ADRA1D: variants seen among roughly 807,000 people sequenced by gnomAD.
The protein encoded by ADRA1D is adrenoceptor alpha 1D.
ADRA1D carries 22 observed loss-of-function variants against 18.6 expected under a neutral mutation model. That is an observed-to-expected ratio of 1.19 (90% CI 0.85 to 1.69). The LOEUF is 1.69. Ranked by LOEUF, ADRA1D falls within the 40% of genes most tolerant of loss-of-function variation. The pLI is 0.00. For synonymous variants in ADRA1D, 376 were observed against 388.2 expected, an observed-to-expected ratio of 0.97 and a Z score of 0.37; for missense variants, 840 against 840.7, an observed-to-expected ratio of 1.00 and a Z score of 0.01.
At chr20:4,227,822 G>A (rs1980857077) in intron 1 of ADRA1D, among the ~76,000 whole-genome samples, 1 of 149,932 alleles carries the variant, frequency 6.7e-6, no homozygotes, top group Non-Finnish European at 1.5e-5. Flanking sequence ...GGCCAGGCTG[G>A]TCTTGAACTC....
At chr20:4,232,567 C>A (rs1313105207) in intron 1 of ADRA1D, among the ~76,000 whole-genome samples, 1 of 152,114 alleles carries the variant, frequency 6.6e-6, no homozygotes, top group Admixed American at 6.5e-5. Context: ...TCAGAATGAC[C>A]CCAAACTCCT....
At chr20:4,228,968 A>G (rs776522617) in intron 1 of ADRA1D, among the ~76,000 whole-genome samples, 2 of 150,412 alleles carry the variant, frequency 1.3e-5, no homozygotes, top group African/African-American at 4.9e-5. Context: ...CACATGTTCC[A>G]CCCCTCCCAG....
chr20:4,225,492 C>G (rs1026931264), intron 1 of ADRA1D, among the ~76,000 whole-genome samples: 2 of 145,934 alleles, frequency 1.4e-5, no homozygotes, highest in Non-Finnish European at 3.0e-5. Flanking sequence ...CAGTGGCACG[C>G]TCTTGGCTCA....
chr20:4,245,065 G>A (rs557215126), intron 1 of ADRA1D, among the ~76,000 whole-genome samples: 1 of 152,356 alleles, frequency 6.6e-6, no homozygotes, highest in South Asian at 2.1e-4. Context: ...AAGGAGCAAA[G>A]GTCATGGAAA....
At chr20:4,230,030 C>T (rs1040412219) in intron 1 of ADRA1D, among the ~76,000 whole-genome samples, 16 of 152,120 alleles carry the variant, frequency 1.1e-4, no homozygotes, top group Admixed American at 1.0e-3. Flanking sequence ...AGATGCACAC[C>T]CACCTTGGCC....
intron 1 of ADRA1D, among the ~76,000 whole-genome samples, chr20:4,227,416 C>G (rs1032262035): frequency 1.6e-4 from 24 of 152,136 alleles, no homozygotes; most frequent in African/African-American, 5.8e-4. Context: ...GCCTAAAGCA[C>G]TATAGGTAAC....
At chr20:4,235,426 C>G (rs575066792) in intron 1 of ADRA1D, among the ~76,000 whole-genome samples, 2 of 152,340 alleles carry the variant, frequency 1.3e-5, no homozygotes, top group East Asian at 3.9e-4. Flanking sequence ...TCCCTTCTCT[C>G]TTCCCACATT....
At chr20:4,232,426 C>A (rs950246721) in intron 1 of ADRA1D, among the ~76,000 whole-genome samples, 1 of 152,178 alleles carries the variant, frequency 6.6e-6, no homozygotes, top group South Asian at 2.1e-4. Flanking sequence ...TACACCAGGC[C>A]GTGTGGCATT....
chr20:4,233,343 C>T (rs1981014772), intron 1 of ADRA1D, among the ~76,000 whole-genome samples: 1 of 151,702 alleles, frequency 6.6e-6, no homozygotes, highest in Non-Finnish European at 1.5e-5. Context: ...CACCTGTAGC[C>T]CCAGCTACTT....
At position 4,248,162 on chromosome 20, in the gene ADRA1D, G is replaced by T. The variant is rs754830579; in HGVS notation, c.796C>A (p.Pro266Thr). 26 of 1,582,034 alleles carry T rather than the reference G, an allele frequency of 1.6e-5. No homozygotes were observed. Among genetic ancestry groups the T allele is most frequent in the Non-Finnish European group, 2.0e-5 (23 of 1,164,114 alleles). ...VFSSVCSFYLPMAVIVVMYCR... is the reference protein window; with the variant it reads ...VFSSVCSFYLTMAVIVVMYCR... The stretch of plus-strand genomic sequence containing the variant: ...TACATGACCACGATGACCGCCATGG[G>T]CAGGTAGAAGGAGCACACGGAGGAG... Residue 266 changes from proline to threonine, a missense_variant, in exon 1 of 2, where the codon CCC (proline) becomes ACC (threonine). Transcript: ENST00000379453.
At position 4,248,005 on chromosome 20, in the gene ADRA1D, G is replaced by A. The variant is rs61759842; in HGVS notation, c.953C>T (p.Ala318Val). 1 of 1,558,976 alleles carries A rather than the reference G, an allele frequency of 6.4e-7. No homozygotes were observed. The highest frequency in any genetic ancestry group is 8.7e-7 in the Non-Finnish European group (1 of 1,152,834). Reference sequence around the variant, plus strand: ...GCCCTTGGCGCTGCGCATGCCGTGCGCCCCGTCGGCGCCCGTGGCCGCGCC... The same window carrying A: ...GCCCTTGGCGCTGCGCATGCCGTGCACCCCGTCGGCGCCCGTGGCCGCGCC... ...CRGAATGADG[A>V]HGMRSAKGHT... is the part of the protein sequence containing the mutation. Residue 318 changes from alanine to valine, a missense_variant, in exon 1 of 2, where the codon GCG becomes GTG. Ala to Val is a moderately conservative substitution (Grantham distance 64, BLOSUM62 0). Coordinates refer to ENST00000379453, the MANE Select transcript of ADRA1D (RefSeq NM_000678.4).
intron 1 of ADRA1D, among the ~76,000 whole-genome samples, chr20:4,245,987 C>T (rs527872101): frequency 4.1e-4 from 63 of 152,300 alleles, no homozygotes; most frequent in South Asian, 2.1e-4. Flanking sequence ...TACAGTTCCA[C>T]GATGGCCCTA....
chr20:4,236,545 G>A (rs892666351), intron 1 of ADRA1D, among the ~76,000 whole-genome samples: 1 of 152,144 alleles, frequency 6.6e-6, no homozygotes, highest in Non-Finnish European at 1.5e-5. Context: ...GCAGGCTCGA[G>A]GGCAGAAGCA....
chr20:4,222,203 G>A lies in ADRA1D; in HGVS notation c.1112-73C>T, dbSNP rs1394299227. 6.4e-7 allele frequency: 1 copy of A among 1,551,678 alleles called. No individual in the cohort carries two copies. The highest frequency in any genetic ancestry group is 1.4e-5 in the African/African-American group (1 of 71,366). ...GGCCAGGCGGCTCTGGGCGCAAAGGGGAGACCCTTCAGTAGCCTTGGCTGA... is the reference window on the plus strand; with the variant it reads ...GGCCAGGCGGCTCTGGGCGCAAAGGAGAGACCCTTCAGTAGCCTTGGCTGA... On this transcript the variant is annotated intron_variant, in intron 1 of 1. Transcript: ENST00000379453. The surrounding 1 kb of genome is among the most constrained non-coding windows in gnomAD (Gnocchi z 4.3).
chr20:4,238,455 G>C (rs1206360260), intron 1 of ADRA1D, among the ~76,000 whole-genome samples: 1 of 152,154 alleles, frequency 6.6e-6, no homozygotes, highest in Non-Finnish European at 1.5e-5. Flanking sequence ...ATGTCGATGT[G>C]CTATATGTGT....
At chr20:4,245,462 A>T (rs1396567411) in intron 1 of ADRA1D, among the ~76,000 whole-genome samples, 1 of 152,182 alleles carries the variant, frequency 6.6e-6, no homozygotes, top group Non-Finnish European at 1.5e-5. Flanking sequence ...AAGGGACAGG[A>T]GGAGGGGATC....
At position 4,231,038 on chromosome 20, in the gene ADRA1D, T is replaced by TTTTCTTTC. The variant is rs3030143; in HGVS notation, c.1112-8916_1112-8909dup. On this transcript the variant is annotated intron_variant, in intron 1 of 1. Coordinates refer to ENST00000379453, the MANE Select transcript of ADRA1D (RefSeq NM_000678.4). ...TTCTTTTCTCTTTCTCTTTCTTTCT[T>TTTTCTTTC]TTTCTTTCTTTCTTTCTTTCTTTCT... Among the ~76,000 whole-genome samples the TTTTCTTTC allele has an allele frequency of 6.8e-3, 744 of 108,616 alleles. 9 individuals carry two copies. Among genetic ancestry groups the TTTTCTTTC allele is most frequent in the Non-Finnish European group, 0.011 (603 of 54,812 alleles). The allele number at this position is 108,616 out of a possible 152,430, so 71.3% of individuals were successfully genotyped here.
chr20:4,238,013 C>T lies in ADRA1D; in HGVS notation c.1111+9834G>A, dbSNP rs561794801. ...CTGTAATCCCAGCACTTTGGGAGGCCGAGGCGGGCGGATCACTTGAGGTCA... is the reference window on the plus strand; with the variant it reads ...CTGTAATCCCAGCACTTTGGGAGGCTGAGGCGGGCGGATCACTTGAGGTCA... On this transcript the variant is annotated intron_variant, in intron 1 of 1. Transcript: ENST00000379453. Among the ~76,000 whole-genome samples the T allele has an allele frequency of 4.2e-3, 636 of 149,740 alleles. 8 individuals carry two copies. Among genetic ancestry groups the T allele is most frequent in the African/African-American group, 0.015 (600 of 40,836 alleles).
intron 1 of ADRA1D, among the ~76,000 whole-genome samples, chr20:4,246,003 A>G (rs1236316216): frequency 6.6e-6 from 1 of 152,222 alleles, no homozygotes. Flanking sequence ...CCCTATAGAT[A>G]GGCATGATTA....
Sources: gnomAD v4.1 joint callset for allele counts (sites outside exome capture counted in the v4.1 genomes callset) on GRCh38, gnomAD v4.1.1 for gene constraint, Gnocchi (gnomAD v3.1) non-coding constraint, MANE v1.5 for transcripts, NCBI Gene and HGNC (gene_info 2026-07-23, HGNC 2026-07-21) for gene names.